Variants in SH3BGR observed in about 807,000 individuals in gnomAD.
SH3BGR encodes SH3 domain binding glutamate rich protein.
SH3BGR carries 29 observed loss-of-function variants against 24.5 expected under a neutral mutation model. The observed-to-expected ratio is 1.18, with a 90% CI of 0.88 to 1.61. The LOEUF (loss-of-function observed/expected upper bound fraction) is 1.61, where lower values mean the gene tolerates loss of function less well. SH3BGR is among the 40% of genes most tolerant of loss of function. The probability of loss-of-function intolerance (pLI) is 0.00; values close to 1 mark genes in which losing one functional copy is unlikely to be tolerated. For missense variants in SH3BGR, 162 were observed against 205.8 expected, an observed-to-expected ratio of 0.79 and a Z score of 1.30; for synonymous variants, 55 against 65.7, an observed-to-expected ratio of 0.84 and a Z score of 0.79.
chr21:39,458,494 C>T (rs1441839129), intron 1 of SH3BGR, among the ~76,000 whole-genome samples: 1 of 151,902 alleles, frequency 6.6e-6, no homozygotes, highest in Non-Finnish European at 1.5e-5. Flanking sequence ...CGTGCCACCA[C>T]ACCCAGCTAA....
Position 39,511,938 on chromosome 21 carries a change from G to A in SH3BGR, c.*34+129G>A. ...GCTGTCTGTCTCCTTCCAAAGCCCT[G>A]GTCTGCACACCTTTCTGGCGGGGTC... is the stretch of plus-strand genomic sequence containing the variant. On this transcript the variant is annotated intron_variant, in intron 6 of 6. Coordinates refer to ENST00000333634, the MANE Select transcript of SH3BGR (RefSeq NM_007341.3). This position sits in a 1 kb window ranked among gnomAD's most constrained non-coding sequence, Gnocchi z 4.2. 2 of 827,430 alleles carry A rather than the reference G, an allele frequency of 2.4e-6. No individual in the cohort carries two copies. The highest frequency in any genetic ancestry group is 4.7e-5 in the South Asian group (2 of 42,140). 51.3% of individuals were successfully genotyped at this position (827,430 alleles called of 1,614,324 possible). A position where few individuals can be genotyped will look rare whatever the true frequency, so the allele number is the denominator to read the frequency against.
At chr21:39,460,763 C>T (rs987481456) in intron 1 of SH3BGR, among the ~76,000 whole-genome samples, 1 of 152,242 alleles carries the variant, frequency 6.6e-6, no homozygotes, top group Admixed American at 6.5e-5. Flanking sequence ...CCACCGCACC[C>T]AGCCTTCTAT....
chr21:39,489,643 C>G (rs543540255), intron 3 of SH3BGR, among the ~76,000 whole-genome samples: 9 of 152,314 alleles, frequency 5.9e-5, no homozygotes, highest in African/African-American at 1.9e-4. Context: ...TAGATACTGG[C>G]AGTCAGCCTC....
intron 5 of SH3BGR, among the ~76,000 whole-genome samples, chr21:39,509,956 T>TTTAAAAAAC (rs2078648573): frequency 7.8e-6 from 1 of 127,572 alleles, no homozygotes; most frequent in Non-Finnish European, 1.6e-5. Context: ...CTTTTTTTTT[T>TTTAAAAAAC]TTTTGAGACG....
chr21:39,501,861 G>A (rs1469375635), intron 4 of SH3BGR, among the ~76,000 whole-genome samples: 1 of 152,184 alleles, frequency 6.6e-6, no homozygotes, highest in Non-Finnish European at 1.5e-5. Context: ...TGTTTTGACG[G>A]TCTCTGGTTT....
At position 39,511,821 on chromosome 21, in the gene SH3BGR, A is replaced by T. The variant is rs961824185; in HGVS notation, c.*34+12A>T. On this transcript the variant is annotated intron_variant, in intron 6 of 6. Transcript: ENST00000333634. This position sits in a 1 kb window ranked among gnomAD's most constrained non-coding sequence, Gnocchi z 4.2. Reference sequence around the variant, plus strand: ...TTCCACTTCTCCAGGTAGCTACAGGATTCTGGGGTGGAAAAGCTGCTAGTT... The same window carrying T: ...TTCCACTTCTCCAGGTAGCTACAGGTTTCTGGGGTGGAAAAGCTGCTAGTT... The T allele has an allele frequency of 1.9e-6, 3 of 1,592,242 alleles. No homozygotes were observed. The African/African-American group carries it at 4.1e-5, about 22-fold the overall frequency.
intron 3 of SH3BGR, among the ~76,000 whole-genome samples, chr21:39,477,960 T>G (rs1018253064): frequency 1.3e-5 from 2 of 152,214 alleles, no homozygotes; most frequent in East Asian, 3.9e-4. Context: ...CTGAGCTAAT[T>G]AACATCTGCC....
chr21:39,464,425 A>C (rs1033164470), intron 2 of SH3BGR, among the ~76,000 whole-genome samples: 2 of 152,044 alleles, frequency 1.3e-5, no homozygotes, highest in African/African-American at 4.8e-5. Context: ...GTTTCACCAC[A>C]TTGGCTGGGC....
intron 3 of SH3BGR, among the ~76,000 whole-genome samples, chr21:39,480,888 T>C (rs966257127): frequency 6.6e-6 from 1 of 152,244 alleles, no homozygotes; most frequent in African/African-American, 2.4e-5. Flanking sequence ...ATTTAACTAA[T>C]ATTCATGTAT....
rs111073750 is a variant in SH3BGR, at chr21:39,511,335, T to A, written c.436-345T>A. Among the ~76,000 whole-genome samples, 12,958 of 150,226 alleles carry A rather than the reference T, an allele frequency of 0.086. 786 individuals carry two copies. The highest frequency in any genetic ancestry group is 0.17 in the African/African-American group (7,109 of 40,912). ...GTGGTGTGTGGGGTGTGTGGTCTGG[T>A]GTGTGTGTGTGCTATGTGGTGTTTG... On this transcript the variant is annotated intron_variant, in intron 5 of 6. Coordinates refer to ENST00000333634, the MANE Select transcript of SH3BGR (RefSeq NM_007341.3). The surrounding 1 kb of genome is among the most constrained non-coding windows in gnomAD (Gnocchi z 4.2).
chr21:39,474,612 T>G (rs554871067), intron 2 of SH3BGR, among the ~76,000 whole-genome samples: 1 of 152,220 alleles, frequency 6.6e-6, no homozygotes, highest in African/African-American at 2.4e-5. Context: ...ACTACCAAGT[T>G]TCCAATCACT....
chr21:39,490,042 A>G (rs973030274), intron 3 of SH3BGR, among the ~76,000 whole-genome samples: 3 of 152,338 alleles, frequency 2.0e-5, no homozygotes, highest in African/African-American at 7.2e-5. Flanking sequence ...AGTGTTCGAA[A>G]GGGCGCATCT....
intron 4 of SH3BGR, among the ~76,000 whole-genome samples, chr21:39,502,125 A>G (rs757281203): frequency 2.0e-5 from 3 of 152,230 alleles, no homozygotes; most frequent in African/African-American, 4.8e-5. Flanking sequence ...GTGAGCTGAG[A>G]TCGTGCCACT....
chr21:39,459,675 C>T (rs2077723059), intron 1 of SH3BGR, among the ~76,000 whole-genome samples: 1 of 152,042 alleles, frequency 6.6e-6, no homozygotes, highest in African/African-American at 2.4e-5. Flanking sequence ...TACAGGCATG[C>T]ACCACCACAC....
chr21:39,504,765 T>C (rs2078554967), intron 4 of SH3BGR, among the ~76,000 whole-genome samples: 1 of 152,226 alleles, frequency 6.6e-6, no homozygotes, highest in Non-Finnish European at 1.5e-5. Context: ...AGATAACTTT[T>C]AAGGATCTGC....
chr21:39,506,946 C>T (rs1270703421), intron 4 of SH3BGR, among the ~76,000 whole-genome samples: 1 of 152,070 alleles, frequency 6.6e-6, no homozygotes, highest in East Asian at 1.9e-4. Context: ...CCTTCAGCAA[C>T]CCAGTGAGCA....
chr21:39,514,361 ATTT>A (rs2078747928), intron 6 of SH3BGR, among the ~76,000 whole-genome samples: 1 of 151,786 alleles, frequency 6.6e-6, no homozygotes, highest in African/African-American at 2.4e-5. Context: ...TATTATTATT[ATTT>A]ATTTATTTAT....
Position 39,462,393 on chromosome 21 carries a change from G to A in SH3BGR, c.64G>A (p.Glu22Lys), listed in dbSNP as rs2077770230. 3.7e-6 allele frequency: 6 copies of A among 1,607,746 alleles called. No homozygotes were observed. The highest frequency in any genetic ancestry group is 5.1e-6 in the Non-Finnish European group (6 of 1,178,632). The part of the protein sequence containing the change: ...GSIAIRKKQQ[E>K]VVGFLEANKI... ...TGACCAGATTAGGAAGAAACAGCAA[G>A]AAGTAGTGGGTTTTTTGGAAGCGAA... Residue 22 changes from glutamate (E) to lysine (K), a missense_variant, in exon 2 of 7, where the codon GAA becomes AAA. Transcript: ENST00000333634.
rs192708262 is a variant in SH3BGR at position 39,512,346 on chromosome 21, G to A, written c.*34+537G>A. Among the ~76,000 whole-genome samples the A allele has an allele frequency of 6.9e-4, 105 of 152,200 alleles. 1 individual carries two copies. The highest frequency in any genetic ancestry group is 1.1e-3 in the Non-Finnish European group (76 of 67,990). ...CGTCAGTGCTTGGTACTCCATTTCC[G>A]TTTCTATTAACCAGAACGCTCCTCT... On this transcript the variant is annotated intron_variant, in intron 6 of 6. Transcript: ENST00000333634.
Sources: allele counts gnomAD v4.1 joint callset (sites outside exome capture counted in the v4.1 genomes callset), GRCh38; gene constraint gnomAD v4.1.1; non-coding constraint Gnocchi (gnomAD v3.1); transcripts MANE v1.5; gene names NCBI Gene and HGNC (gene_info 2026-07-23, HGNC 2026-07-21).